WIZ: variants seen among roughly 807,000 people sequenced by gnomAD.
WIZ encodes WIZ zinc finger, also known as protein Wiz.
WIZ carries 25 observed loss-of-function variants against 140.2 expected under a neutral mutation model. The observed-to-expected ratio is 0.18, with a 90% CI of 0.13 to 0.25. The LOEUF (loss-of-function observed/expected upper bound fraction) is 0.25. Ranked by LOEUF, WIZ falls within the 10% of genes least tolerant of loss-of-function variation. The probability of loss-of-function intolerance (pLI) is 1.00; values close to 1 mark genes in which losing one functional copy is unlikely to be tolerated. For missense variants in WIZ, 2,231 were observed against 2,632.6 expected (o/e 0.85, Z 3.34); for synonymous variants, 1,125 against 1,154.3 (o/e 0.97, Z 0.51).
At position 15,424,944 on chromosome 19, in the gene WIZ, G is replaced by A. The variant is rs747436007; in HGVS notation, c.4983C>T (p.Phe1661=). Residue 1661 remains phenylalanine, a synonymous_variant, in exon 11 of 13, where the codon TTC becomes TTT. Coordinates refer to ENST00000673675, the MANE Select transcript of WIZ (RefSeq NM_001371589.1). This position sits in a 1 kb window ranked among gnomAD's most constrained non-coding sequence, Gnocchi z 9.7. ...CATTGACGCACCACTCGGTCACGCC[G>A]AACTGCCGCAGGTGTGCCCGTGCGT... ...ASHARAHLRQ[F]GVTEWCVNGS... The A allele has an allele frequency of 3.4e-5, 54 of 1,608,500 alleles. 1 individual carries two copies. In the East Asian group the frequency reaches 9.0e-4, roughly 27 times the overall value.
chr19:15,449,249 C>T (rs914644296), intron 1 of WIZ, among the ~76,000 whole-genome samples: 1 of 152,028 alleles, frequency 6.6e-6, no homozygotes, highest in Non-Finnish European at 1.5e-5. Flanking sequence ...CCCAGGCAAC[C>T]GGGGCGGGGC....
At position 15,427,457 on chromosome 19, in the gene WIZ, C is replaced by G. The variant is rs758030451; in HGVS notation, c.3891G>C (p.Ser1297=). 1.2e-6 allele frequency: 2 copies of G among 1,613,442 alleles called. No homozygotes were observed. Among genetic ancestry groups the G allele is most frequent in the South Asian group, 2.2e-5 (2 of 91,088 alleles). The change falls in exon 9 of 13, where the codon TCG becomes TCC. Residue 1297 remains serine (S), a synonymous_variant. Coordinates refer to ENST00000673675, the MANE Select transcript of WIZ (RefSeq NM_001371589.1). The surrounding 1 kb of genome is among the most constrained non-coding windows in gnomAD (Gnocchi z 6.4). ...GCCGCAGATGGGAGCGCGCGTGGCT[C>G]GAGAGGCCCTTGCGGTTCTCGAAGA... ...GEFFENRKGL[S]SHARSHLRQM...
At position 15,440,485 on chromosome 19, in the gene WIZ, TC is replaced by T; in HGVS notation, c.508del (p.Glu170AsnfsTer92). 6.5e-7 allele frequency: 1 copy of T among 1,535,962 alleles called. No homozygotes were observed. The highest frequency in any genetic ancestry group is 8.7e-7 in the Non-Finnish European group (1 of 1,146,864). ...GSRRFLHHRG[E>X]PRLLEKHAQG... ...GGCATGTTTCTCCAAAAGCCTTGGT[TC>T]CCCCCGGTGGTGTAAGAACCTTCTA... On this transcript the variant is annotated frameshift_variant, in exon 4 of 13. Coordinates refer to ENST00000673675, the MANE Select transcript of WIZ (RefSeq NM_001371589.1). LOFTEE classifies it high-confidence loss of function. The surrounding 1 kb of genome is among the most constrained non-coding windows in gnomAD (Gnocchi z 6.2).
At chr19:15,441,661 C>T (rs750196317) in intron 3 of WIZ, among the ~76,000 whole-genome samples, 28 of 152,222 alleles carry the variant, frequency 1.8e-4, no homozygotes, top group Non-Finnish European at 3.1e-4. Context: ...ATGCCAATCA[C>T]GCTTATGGAA....
Position 15,433,349 on chromosome 19 carries a change from G to A in WIZ, c.2741-2167C>T, listed in dbSNP as rs375840282. On this transcript the variant is annotated intron_variant, in intron 5 of 12. Coordinates refer to ENST00000673675, the MANE Select transcript of WIZ (RefSeq NM_001371589.1). Reference sequence around the variant, plus strand: ...TGGGTGGGGCTAGAATCGGAACATTGCCCCGCCCCCAACCTGGCACCCGCC... The same window carrying A: ...TGGGTGGGGCTAGAATCGGAACATTACCCCGCCCCCAACCTGGCACCCGCC... 1.0e-5 allele frequency: 10 copies of A among 985,388 alleles called. No homozygotes were observed. In the South Asian group the frequency reaches 2.8e-4, roughly 28 times the overall value. 61.0% of individuals were successfully genotyped at this position (985,388 alleles called of 1,614,324 possible).
Position 15,439,724 on chromosome 19 carries a change from T to C in WIZ, c.1270A>G (p.Met424Val), listed in dbSNP as rs1331383297. The C allele has an allele frequency of 3.4e-6, 5 of 1,477,744 alleles. No homozygotes were observed. Among genetic ancestry groups the C allele is most frequent in the East Asian group, 2.5e-5 (1 of 40,462 alleles). The allele number at this position is 1,477,744 out of a possible 1,614,324, so 91.5% of individuals were successfully genotyped here. A position where few individuals can be genotyped will look rare whatever the true frequency, so the allele number is the denominator to read the frequency against. The part of the protein sequence containing the change: ...RAYVQHAKLH[M>V]REPPGQTTKE... ...GTGGTCTGGCCTGGGGGCTCACGCA[T>C]GTGCAGCTTGGCATGCTGCACATAG... The change falls in exon 4 of 13, where the codon ATG becomes GTG. Residue 424 changes from methionine to valine, a missense_variant. This residue lies in a region of WIZ where 475 missense variants were observed against 520.2 expected (regional missense o/e 0.91). Coordinates refer to ENST00000673675, the MANE Select transcript of WIZ (RefSeq NM_001371589.1). This position sits in a 1 kb window ranked among gnomAD's most constrained non-coding sequence, Gnocchi z 7.0.
intron 4 of WIZ, 114 bp from the exon 5 acceptor site, chr19:15,437,243 C>A: frequency 9.7e-7 from 1 of 1,032,578 alleles, no homozygotes. Flanking sequence ...GTGGCTGTCC[C>A]TTTTGCTCCT....
chr19:15,425,446 T>A lies in WIZ; in HGVS notation c.4689A>T (p.Ala1563=). Residue 1563 remains alanine, a synonymous_variant, in exon 10 of 13, where the codon GCA becomes GCT. Transcript: ENST00000673675. ...GCTCACGAGGAACCTGGGCCGGCCC[T>A]GCACCTGGTTTGCCTGGCCGGCCAG... ...PLAGRPGKPG[A]GPAQVPRELS... The A allele has an allele frequency of 6.3e-7, 1 of 1,578,748 alleles. No individual in the cohort carries two copies. The highest frequency in any genetic ancestry group is 1.1e-5 in the South Asian group (1 of 87,814).
Position 15,425,001 on chromosome 19 carries a change from A to G in WIZ, c.4926T>C (p.Leu1642=). 6.3e-7 allele frequency: 1 copy of G among 1,597,722 alleles called. No homozygotes were observed. The highest frequency in any genetic ancestry group is 8.5e-7 in the Non-Finnish European group (1 of 1,174,150). The change falls in exon 11 of 13, where the codon CTT becomes CTC. Residue 1642 remains leucine, a synonymous_variant. Transcript: ENST00000673675. ...CCAGGGCCTTGCGGTTTTCAAAGTAAAGGCCACACAGCTCGCAGCAGGCCT... is the reference window on the plus strand; with the variant it reads ...CCAGGGCCTTGCGGTTTTCAAAGTAGAGGCCACACAGCTCGCAGCAGGCCT... The part of the protein sequence containing the change: ...STEACCELCG[L]YFENRKALAS...
intron 5 of WIZ, among the ~76,000 whole-genome samples, chr19:15,436,282 A>C (rs1969513913): frequency 6.6e-6 from 1 of 152,226 alleles, no homozygotes; most frequent in African/African-American, 2.4e-5. Context: ...ATCATCTCAG[A>C]AAGTTCTATA....
At chr19:15,433,500 C>T (rs1012816645) in intron 5 of WIZ, 11 of 283,606 alleles carry the variant, frequency 3.9e-5, no homozygotes, top group Non-Finnish European at 5.3e-5. Context: ...TTCCCAATCA[C>T]TCCCTAACCG....
Position 15,429,864 on chromosome 19 carries a change from A to G in WIZ, c.3137T>C (p.Val1046Ala). The G allele has an allele frequency of 6.5e-7, 1 of 1,530,792 alleles. No individual in the cohort carries two copies. Among genetic ancestry groups the G allele is most frequent in the South Asian group, 1.2e-5 (1 of 83,894 alleles). 94.8% of individuals were successfully genotyped at this position (1,530,792 alleles called of 1,614,324 possible). A position where few individuals can be genotyped will look rare whatever the true frequency, so the allele number is the denominator to read the frequency against. ...LAKKSSSLKE[V>A]VAGAPRPGLL... Reference sequence around the variant, plus strand: ...GCCGGGCCGGGGGGCCCCGGCGACCACCTCCTTCAGTGAGCTGGACTTCTT... The same window carrying G: ...GCCGGGCCGGGGGGCCCCGGCGACCGCCTCCTTCAGTGAGCTGGACTTCTT... Residue 1046 changes from valine to alanine, a missense_variant, in exon 7 of 13, where the codon GTG becomes GCG. Physicochemically the swap from Val to Ala is moderately conservative, Grantham distance 64. Around this residue, in one of 15 missense-constraint regions of WIZ, gnomAD observed 163 missense variants for 166.8 expected, o/e 0.98. Coordinates refer to ENST00000673675, the MANE Select transcript of WIZ (RefSeq NM_001371589.1).
In WIZ at chr19:15,429,856, C is replaced by T. The variant is rs780886987; in HGVS notation, c.3145G>A (p.Gly1049Arg). ...CTGAGCAAGCCGGGCCGGGGGGCCC[C>T]GGCGACCACCTCCTTCAGTGAGCTG... is the stretch of plus-strand genomic sequence containing the variant. Reference protein sequence around the residue: ...KSSSLKEVVAGAPRPGLLSLA... With the variant: ...KSSSLKEVVARAPRPGLLSLA... The change falls in exon 7 of 13, where the codon GGG becomes AGG. Residue 1049 changes from glycine (G) to arginine (R), a missense_variant. Coordinates refer to ENST00000673675, the MANE Select transcript of WIZ (RefSeq NM_001371589.1). 3.5e-5 allele frequency: 54 copies of T among 1,530,092 alleles called. No individual in the cohort carries two copies. Among genetic ancestry groups the T allele is most frequent in the Non-Finnish European group, 4.2e-5 (48 of 1,142,828 alleles). The allele number at this position is 1,530,092 out of a possible 1,614,324, so 94.8% of individuals were successfully genotyped here.
rs771346127 is a variant in WIZ at position 15,427,248 on chromosome 19, G to A, written c.4100C>T (p.Ser1367Leu). 3 of 1,613,874 alleles carry A rather than the reference G, an allele frequency of 1.9e-6. No homozygotes were observed. Among genetic ancestry groups the A allele is most frequent in the South Asian group, 1.1e-5 (1 of 91,058 alleles). The change falls in exon 9 of 13, where the codon TCG becomes TTG. Residue 1367 changes from serine to leucine, a missense_variant. By Grantham distance (145) the Ser-to-Leu change is moderately radical. This residue lies in a region of WIZ where 393 missense variants were observed against 451.7 expected (regional missense o/e 0.87). Transcript: ENST00000673675. This position sits in a 1 kb window ranked among gnomAD's most constrained non-coding sequence, Gnocchi z 6.4. ...PGSSLEARSP[S>L]DLHISPLAKK... is the part of the protein sequence containing the mutation. Reference sequence around the variant, plus strand: ...GGCCAAGGGTGAGATGTGAAGGTCCGAGGGGCTGCGGGCTTCCAGTGAGCT... The same window carrying A: ...GGCCAAGGGTGAGATGTGAAGGTCCAAGGGGCTGCGGGCTTCCAGTGAGCT...
intron 2 of WIZ, among the ~76,000 whole-genome samples, chr19:15,445,686 G>A (rs1176078578): frequency 1.3e-5 from 2 of 152,168 alleles, no homozygotes; most frequent in Non-Finnish European, 2.9e-5. Context: ...GATCCATACA[G>A]ACCACCTCAG....
At chr19:15,425,990 T>C (rs1454801343) in intron 9 of WIZ, among the ~76,000 whole-genome samples, 2 of 150,098 alleles carry the variant, frequency 1.3e-5, no homozygotes, top group Non-Finnish European at 3.0e-5. Flanking sequence ...TAGCTACCCC[T>C]GTCCACACCA....
intron 5 of WIZ, chr19:15,432,495 CGGCGGCGGTGGCGGTGGCGGTGGTGGT>C (rs904336157): frequency 5.4e-5 from 50 of 925,720 alleles, no homozygotes; most frequent in Non-Finnish European, 6.4e-5. Context: ...GCCCGTCCCG[CGGCGGCGGTGGCGGTGGCGGTGGTGGT>C]GGCGGCGGCG....
intron 5 of WIZ, 63 bp downstream of exon 5, chr19:15,436,743 C>A: frequency 6.9e-7 from 1 of 1,450,524 alleles, no homozygotes; most frequent in South Asian, 1.4e-5. Context: ...CAGCCCCGCC[C>A]CTCCAATGCT....
intron 5 of WIZ, 129 bp from the exon 6 acceptor site, chr19:15,431,311 G>A: frequency 8.3e-7 from 1 of 1,203,246 alleles, no homozygotes; most frequent in Non-Finnish European, 1.1e-6. Context: ...CCCCAGGAAA[G>A]CTGAGGTTCC....
Sources: allele counts gnomAD v4.1 joint callset (sites outside exome capture counted in the v4.1 genomes callset), GRCh38; gene constraint gnomAD v4.1.1; regional missense constraint gnomAD v4.1.1; non-coding constraint Gnocchi (gnomAD v3.1); transcripts MANE v1.5; gene names NCBI Gene and HGNC (gene_info 2026-07-23, HGNC 2026-07-21).